Variants in RAD23B observed in about 807,000 individuals in gnomAD.
The protein encoded by RAD23B is RAD23 nucleotide excision repair protein B, also known as lysine-specific demethylase RAD23B.
In RAD23B, 5 loss-of-function variants were observed where a neutral mutation model predicts 49.1. That is an observed-to-expected ratio of 0.10 (90% CI 0.05 to 0.21). The LOEUF (loss-of-function observed/expected upper bound fraction) is 0.21, where lower values mean the gene tolerates loss of function less well. Ranked by LOEUF, RAD23B falls within the 10% of genes least tolerant of loss-of-function variation. RAD23B has a pLI of 1.00. For missense variants in RAD23B, 356 were observed against 486.7 expected, an observed-to-expected ratio of 0.73 and a Z score of 2.53; for synonymous variants, 184 against 165.4, an observed-to-expected ratio of 1.11 and a Z score of -0.86.
intron 5 of RAD23B, among the ~76,000 whole-genome samples, chr9:107,314,488 C>A (rs1289527462): frequency 6.6e-6 from 1 of 152,118 alleles, no homozygotes; most frequent in African/African-American, 2.4e-5. Flanking sequence ...CTCTGTAGTT[C>A]TATCCATGTT....
chr9:107,289,862 G>A (rs1199902351), intron 1 of RAD23B, among the ~76,000 whole-genome samples: 1 of 152,202 alleles, frequency 6.6e-6, no homozygotes, highest in Non-Finnish European at 1.5e-5. Flanking sequence ...AGCCTCAAAT[G>A]TGATTAAATT....
chr9:107,319,415 C>CCA, intron 6 of RAD23B, among the ~76,000 whole-genome samples: 1 of 152,104 alleles, frequency 6.6e-6, no homozygotes, highest in Non-Finnish European at 1.5e-5. Context: ...CAGGTGTGAG[C>CCA]CACCGTGCCT....
chr9:107,326,690 G>C (rs1052152448), intron 9 of RAD23B, among the ~76,000 whole-genome samples: 4 of 119,254 alleles, frequency 3.4e-5, no homozygotes, highest in African/African-American at 1.2e-4. Context: ...CTGGATTGCA[G>C]TGGCGTGATC....
intron 1 of RAD23B, among the ~76,000 whole-genome samples, chr9:107,292,086 A>C (rs559893306): frequency 1.3e-5 from 2 of 152,370 alleles, no homozygotes; most frequent in African/African-American, 4.8e-5. Context: ...TACACATAAT[A>C]CATGAACACA....
intron 9 of RAD23B, among the ~76,000 whole-genome samples, chr9:107,325,327 A>T (rs900380198): frequency 6.6e-6 from 1 of 151,188 alleles, no homozygotes; most frequent in Admixed American, 6.6e-5. Flanking sequence ...AAAAAAAAAA[A>T]AAAAAAAAAA....
Position 107,300,195 on chromosome 9 carries a change from G to C in RAD23B, c.121G>C (p.Val41Leu), listed in dbSNP as rs768301757. 1 of 1,608,902 alleles carries C rather than the reference G, an allele frequency of 6.2e-7. No individual in the cohort carries two copies. Among genetic ancestry groups the C allele is most frequent in the Non-Finnish European group, 8.5e-7 (1 of 1,177,434 alleles). ...TGAAAAGGGGAAAGATGCCTTTCCA[G>C]TAGCAGGTCAAAAATTAATTTATGC... ...ESEKGKDAFPVAGQKLIYAGK... is the reference protein window; with the variant it reads ...ESEKGKDAFPLAGQKLIYAGK... Residue 41 changes from valine (V) to leucine (L), a missense_variant, in exon 2 of 10, where the codon GTA becomes CTA. Around this residue, in one of 5 missense-constraint regions of RAD23B, gnomAD observed 32 missense variants for 62.3 expected, o/e 0.51. Transcript: ENST00000358015.
Position 107,319,374 on chromosome 9 carries a change from C to A in RAD23B, c.681+495C>A, listed in dbSNP as rs574769112. 8.5e-5 allele frequency among the ~76,000 whole-genome samples: 13 copies of A among 152,160 alleles called. No individual in the cohort carries two copies. In the East Asian group the frequency reaches 2.5e-3, roughly 29 times the overall value. On this transcript the variant is annotated intron_variant, in intron 6 of 9. Transcript: ENST00000358015. ...CTTGATCTCCTGACCTCGTGATCCG[C>A]CCGCCTCAGCCTCCCAAAGTGCTGG...
intron 2 of RAD23B, among the ~76,000 whole-genome samples, 200 bp from the exon 3 acceptor site, chr9:107,301,835 C>T (rs544908039): frequency 6.6e-5 from 10 of 152,266 alleles, no homozygotes; most frequent in African/African-American, 2.2e-4. Context: ...GCCACCATGC[C>T]CTGCCACTTA....
intron 3 of RAD23B, among the ~76,000 whole-genome samples, chr9:107,302,816 C>T (rs979621022): frequency 6.6e-6 from 1 of 151,822 alleles, no homozygotes; most frequent in Non-Finnish European, 1.5e-5. Flanking sequence ...CCACCACGCC[C>T]GGCTAATTTT....
chr9:107,299,234 A>G (rs1474224285), intron 1 of RAD23B, among the ~76,000 whole-genome samples: 1 of 152,204 alleles, frequency 6.6e-6, no homozygotes, highest in African/African-American at 2.4e-5. Flanking sequence ...TTCTGTCTAA[A>G]ACTCAAGAGA....
intron 1 of RAD23B, among the ~76,000 whole-genome samples, chr9:107,298,229 A>G (rs1187060034): frequency 1.3e-5 from 2 of 152,210 alleles, no homozygotes; most frequent in Non-Finnish European, 2.9e-5. Context: ...GCAGTCTTCA[A>G]ATGACTTGGT....
At chr9:107,300,644 A>G (rs1487764339) in intron 2 of RAD23B, among the ~76,000 whole-genome samples, 1 of 152,158 alleles carries the variant, frequency 6.6e-6, no homozygotes, top group African/African-American at 2.4e-5. Flanking sequence ...AAGAAAAAAA[A>G]TTAATATTCA....
intron 9 of RAD23B, among the ~76,000 whole-genome samples, chr9:107,325,756 A>T (rs1827191948): frequency 6.6e-6 from 1 of 152,192 alleles, no homozygotes; most frequent in Non-Finnish European, 1.5e-5. Context: ...TAACTGCCCT[A>T]TCTGGAGCCT....
chr9:107,328,386 C>G (rs1349958344), intron 9 of RAD23B, among the ~76,000 whole-genome samples: 2 of 152,090 alleles, frequency 1.3e-5, no homozygotes, highest in African/African-American at 4.8e-5. Flanking sequence ...CACCTCCGAT[C>G]ATCAGGCGTT....
intron 1 of RAD23B, among the ~76,000 whole-genome samples, chr9:107,296,857 C>CTT (rs10718657): frequency 7.9e-6 from 1 of 126,338 alleles, no homozygotes; most frequent in Non-Finnish European, 1.7e-5. Context: ...TTTTTAATTG[C>CTT]TTTTTTTTTT....
At chr9:107,294,492 T>G (rs1833448859) in intron 1 of RAD23B, among the ~76,000 whole-genome samples, 2 of 152,226 alleles carry the variant, frequency 1.3e-5, no homozygotes, top group Admixed American at 6.5e-5. Flanking sequence ...AAAGGAGTCA[T>G]AATTGCATCT....
At chr9:107,327,350 T>G (rs1479945647) in intron 9 of RAD23B, among the ~76,000 whole-genome samples, 3 of 152,162 alleles carry the variant, frequency 2.0e-5, no homozygotes, top group African/African-American at 7.2e-5. Flanking sequence ...GTTCTTTGTT[T>G]AGTTTTAGTT....
chr9:107,318,608 T>C lies in RAD23B; in HGVS notation c.554-144T>C. On this transcript the variant is annotated intron_variant, in intron 5 of 9. Coordinates refer to ENST00000358015, the MANE Select transcript of RAD23B (RefSeq NM_002874.5). This position sits in a 1 kb window ranked among gnomAD's most constrained non-coding sequence, Gnocchi z 4.3. ...CTTTGGGGGACCATTACCTACTACATATATGTTGTAATTTATACTGTTACT... is the reference window on the plus strand; with the variant it reads ...CTTTGGGGGACCATTACCTACTACACATATGTTGTAATTTATACTGTTACT... 4.6e-6 allele frequency: 4 copies of C among 878,036 alleles called. No individual in the cohort carries two copies. The highest frequency in any genetic ancestry group is 6.7e-6 in the Non-Finnish European group (4 of 599,490). 54.4% of individuals were successfully genotyped at this position (878,036 alleles called of 1,614,324 possible).
intron 1 of RAD23B, among the ~76,000 whole-genome samples, chr9:107,297,382 C>G (rs1289783244): frequency 6.6e-6 from 1 of 152,016 alleles, no homozygotes; most frequent in African/African-American, 2.4e-5. Flanking sequence ...TCTTGTCATC[C>G]AGGCTGGAGT....
Sources: allele counts gnomAD v4.1 joint callset (sites outside exome capture counted in the v4.1 genomes callset), GRCh38; gene constraint gnomAD v4.1.1; regional missense constraint gnomAD v4.1.1; non-coding constraint Gnocchi (gnomAD v3.1); transcripts MANE v1.5; gene names NCBI Gene and HGNC (gene_info 2026-07-23, HGNC 2026-07-21).